TOX: variants seen among roughly 807,000 people sequenced by gnomAD.
The protein encoded by TOX is thymocyte selection associated high mobility group box.
Under a neutral mutation model 53.7 loss-of-function variants are expected in TOX, and 11 were observed. The ratio of observed to expected loss-of-function variants is 0.20; its 90% CI spans 0.13 to 0.34. The LOEUF (loss-of-function observed/expected upper bound fraction) is 0.34, where lower values mean the gene tolerates loss of function less well. TOX is among the 10% of genes least tolerant of loss of function. The pLI is 1.00. For synonymous variants in TOX, 225 were observed against 245.3 expected (o/e 0.92, Z 0.77); for missense variants, 570 against 664.6 (o/e 0.86, Z 1.56).
At chr8:58,870,454 G>C (rs1237698322) in intron 3 of TOX, among the ~76,000 whole-genome samples, 2 of 152,124 alleles carry the variant, frequency 1.3e-5, no homozygotes, top group Non-Finnish European at 2.9e-5. Flanking sequence ...TTGTTAAGAT[G>C]TCAGTTCTTA....
At chr8:58,898,535 T>C (rs1811686763) in intron 3 of TOX, among the ~76,000 whole-genome samples, 1 of 152,216 alleles carries the variant, frequency 6.6e-6, no homozygotes, top group Admixed American at 6.5e-5. Context: ...CAGAGCATCA[T>C]GCCAAAAAGC....
At position 58,819,486 on chromosome 8, in the gene TOX, G is replaced by T. The variant is rs144959345; in HGVS notation, c.1006-3762C>A. 2.8e-3 allele frequency among the ~76,000 whole-genome samples: 420 copies of T among 152,286 alleles called. 2 individuals are homozygous for T. The highest frequency in any genetic ancestry group is 9.8e-3 in the African/African-American group (406 of 41,584). On this transcript the variant is annotated intron_variant, in intron 6 of 8. Transcript: ENST00000361421. ...TGCATTTAGACGACAGATTCTGGAA[G>T]ATATTTTCTACAAGCCATAAAGTGG...
chr8:59,083,010 G>A (rs1016362849), intron 1 of TOX, among the ~76,000 whole-genome samples: 4 of 152,174 alleles, frequency 2.6e-5, no homozygotes, highest in Non-Finnish European at 5.9e-5. Context: ...AAGAGGCTGT[G>A]TCTGGATTTC....
At chr8:58,820,671 G>A (rs1463072265) in intron 6 of TOX, among the ~76,000 whole-genome samples, 1 of 152,208 alleles carries the variant, frequency 6.6e-6, no homozygotes, top group Non-Finnish European at 1.5e-5. Context: ...TTGGGGAAAA[G>A]AATGAGGTGT....
chr8:59,048,247 A>T (rs1803724636), intron 1 of TOX, among the ~76,000 whole-genome samples: 2 of 152,170 alleles, frequency 1.3e-5, no homozygotes, highest in Admixed American at 1.3e-4. Flanking sequence ...GTAACTGACA[A>T]ATTCTGTTCT....
chr8:58,806,674 A>G lies in TOX; in HGVS notation c.*1073T>C, dbSNP rs1809981553. On this transcript the variant is annotated 3_prime_UTR_variant, in exon 9 of 9. Coordinates refer to ENST00000361421, the MANE Select transcript of TOX (RefSeq NM_014729.3). ...CTAAATGAAAAGCAGGTTTGGCTTT[A>G]TTCATGTTACTGTAAAAACTAAATA... 1 of 152,666 alleles carries G rather than the reference A, an allele frequency of 6.6e-6. No homozygotes were observed. The highest frequency in any genetic ancestry group is 6.5e-5 in the Admixed American group (1 of 15,286). The allele number at this position is 152,666 out of a possible 1,614,324, so 9.5% of individuals were successfully genotyped here.
rs375678025 is a variant in TOX at position 59,072,635 on chromosome 8, C to T, written c.102+46251G>A. On this transcript the variant is annotated intron_variant, in intron 1 of 8. Coordinates refer to ENST00000361421, the MANE Select transcript of TOX (RefSeq NM_014729.3). Reference sequence around the variant, plus strand: ...TCACAGAAATGTGAAACTACTGAGACCTTTGTAGACCATGATACTATCTTT... The same window carrying T: ...TCACAGAAATGTGAAACTACTGAGATCTTTGTAGACCATGATACTATCTTT... Among the ~76,000 whole-genome samples, 3 of 152,244 alleles carry T rather than the reference C, an allele frequency of 2.0e-5. No homozygotes were observed. In the East Asian group the frequency reaches 5.8e-4, roughly 29 times the overall value.
At chr8:59,089,439 A>C (rs1040334719) in intron 1 of TOX, among the ~76,000 whole-genome samples, 13 of 152,164 alleles carry the variant, frequency 8.5e-5, no homozygotes, top group African/African-American at 3.1e-4. Flanking sequence ...AGTTCCTGCA[A>C]GTCCCTCATA....
intron 3 of TOX, among the ~76,000 whole-genome samples, chr8:58,918,644 C>A (rs1054576022): frequency 2.2e-5 from 1 of 46,068 alleles, no homozygotes; most frequent in African/African-American, 9.0e-5. Context: ...AAAACTGGCA[C>A]AAGACAGGGA....
intron 6 of TOX, 89 bp from the exon 7 acceptor site, chr8:58,815,813 T>C: frequency 7.1e-7 from 1 of 1,412,094 alleles, no homozygotes; most frequent in Non-Finnish European, 9.5e-7. Context: ...TTAAAGCACC[T>C]TCCCTGGAAT....
At chr8:58,846,908 A>G (rs1810728164) in intron 4 of TOX, among the ~76,000 whole-genome samples, 1 of 152,144 alleles carries the variant, frequency 6.6e-6, no homozygotes, top group Non-Finnish European at 1.5e-5. Context: ...CTCCCAGAAC[A>G]TGCAAGAATG....
chr8:58,855,601 T>C (rs1350692021), intron 3 of TOX, among the ~76,000 whole-genome samples: 2 of 152,140 alleles, frequency 1.3e-5, no homozygotes, highest in African/African-American at 4.8e-5. Flanking sequence ...TCACTTGCAA[T>C]AGCTGCTTAA....
intron 3 of TOX, among the ~76,000 whole-genome samples, chr8:58,879,705 C>T (rs1403330127): frequency 1.3e-5 from 2 of 152,102 alleles, no homozygotes; most frequent in Non-Finnish European, 2.9e-5. Context: ...CCAAACAAAG[C>T]ATTCCTTAAA....
intron 1 of TOX, 117 bp from the exon 2 acceptor site, chr8:58,960,125 C>T: frequency 9.1e-7 from 1 of 1,102,004 alleles, no homozygotes; most frequent in Non-Finnish European, 1.3e-6. Flanking sequence ...ATAAAAAATA[C>T]TGCGGCTGGG....
At chr8:59,100,013 C>T (rs1179841593) in intron 1 of TOX, among the ~76,000 whole-genome samples, 1 of 151,646 alleles carries the variant, frequency 6.6e-6, no homozygotes, top group Non-Finnish European at 1.5e-5. Context: ...CATTTAAAGA[C>T]ATGGAGTAGA....
chr8:58,948,307 T>C (rs1812558587), intron 2 of TOX, among the ~76,000 whole-genome samples: 1 of 152,150 alleles, frequency 6.6e-6, no homozygotes, highest in South Asian at 2.1e-4. Flanking sequence ...GGAAAGTCCT[T>C]AGTGTTTACA....
intron 3 of TOX, among the ~76,000 whole-genome samples, chr8:58,906,949 T>A (rs950906448): frequency 6.6e-6 from 1 of 152,232 alleles, no homozygotes; most frequent in Admixed American, 6.5e-5. Flanking sequence ...TTGTCTTGGA[T>A]GTCATAAAAT....
At chr8:59,072,523 A>ACGC (rs1804215053) in intron 1 of TOX, among the ~76,000 whole-genome samples, 1 of 152,228 alleles carries the variant, frequency 6.6e-6, no homozygotes, top group African/African-American at 2.4e-5. Context: ...TACACAAATT[A>ACGC]TGCTAATAAT....
intron 1 of TOX, among the ~76,000 whole-genome samples, chr8:59,113,916 C>A (rs1298662409): frequency 6.6e-6 from 1 of 152,282 alleles, no homozygotes; most frequent in African/African-American, 2.4e-5. Context: ...TAATAAATCA[C>A]CCTTCACAGC....
Sources: gnomAD v4.1 joint callset for allele counts (sites outside exome capture counted in the v4.1 genomes callset) on GRCh38, gnomAD v4.1.1 for gene constraint, MANE v1.5 for transcripts, NCBI Gene and HGNC (gene_info 2026-07-23, HGNC 2026-07-21) for gene names.